Variants in LINC00632 observed in about 807,000 individuals in gnomAD.
LINC00632 encodes the protein long independently transcribed non-coding RNA 632.
At chrX:140,724,186 CTG>C (rs1794050778) in intron 2 of LINC00632, among the ~76,000 whole-genome samples, 3 of 21,263 alleles carry the variant, frequency 1.4e-4, no homozygotes, top group Admixed American at 5.4e-4. Context: ...CAGACACATT[CTG>C]TACACACAGA....
chrX:140,753,924 C>T (rs745622002), intron 3 of LINC00632, among the ~76,000 whole-genome samples: 6 of 109,411 alleles, frequency 5.5e-5, no homozygotes, highest in Admixed American at 9.8e-5. Flanking sequence ...TACAGGCGCA[C>T]GCCACCACGC....
At chrX:140,713,484 C>A (rs1332844400) in intron 2 of LINC00632, 2 of 332,404 alleles carry the variant, frequency 6.0e-6, no homozygotes, top group Non-Finnish European at 1.2e-5. Context: ...ACATAGTAAC[C>A]ATTATGTAAG....
intron 3 of LINC00632, among the ~76,000 whole-genome samples, chrX:140,748,316 A>G (rs1178139873): frequency 5.3e-5 from 6 of 112,354 alleles, no homozygotes; most frequent in Non-Finnish European, 1.1e-4. Context: ...GAGGTTACAA[A>G]TTAATATAAA....
intron 3 of LINC00632, among the ~76,000 whole-genome samples, chrX:140,762,289 A>G (rs769578768): frequency 3.7e-5 from 4 of 107,910 alleles, no homozygotes; most frequent in South Asian, 4.2e-4. Flanking sequence ...CACTTGGTAA[A>G]GTACTGATTG....
intron 3 of LINC00632, among the ~76,000 whole-genome samples, chrX:140,759,294 TTCCTTCCTTCCTTCCTTCCTTCC>T: frequency 3.5e-5 from 1 of 28,682 alleles, no homozygotes; most frequent in Admixed American, 4.5e-4. Flanking sequence ...CTTTCTTTCC[TTCCTTCCTTCCTTCCTTCCTTCC>T]TTCCTTCCTT....
chrX:140,759,293 C>T (rs187929347), intron 3 of LINC00632, among the ~76,000 whole-genome samples: 536 of 28,250 alleles, frequency 0.019, 5 homozygotes, highest in African/African-American at 0.054. Flanking sequence ...TCTTTCTTTC[C>T]TTCCTTCCTT....
chrX:140,786,148 T>A (rs1602760285), exon 5 of LINC00632, among the ~76,000 whole-genome samples: 1 of 112,159 alleles, frequency 8.9e-6, no homozygotes, highest in East Asian at 2.8e-4. Context: ...TAAAATCCTC[T>A]ATGTGATAAC....
intron 2 of LINC00632, chrX:140,713,474 A>G (rs1278886995): frequency 3.0e-6 from 1 of 329,893 alleles, no homozygotes; most frequent in Non-Finnish European, 6.1e-6. Flanking sequence ...AGTGTCTGGC[A>G]CATAGTAACC....
intron 3 of LINC00632, among the ~76,000 whole-genome samples, chrX:140,768,111 T>C (rs746650871): frequency 7.2e-5 from 8 of 111,472 alleles, no homozygotes; most frequent in Non-Finnish European, 1.1e-4. Flanking sequence ...CTTAGTTTAG[T>C]GTAAAAAACA....
chrX:140,749,188 A>G (rs773885815), intron 3 of LINC00632, among the ~76,000 whole-genome samples: 1 of 111,122 alleles, frequency 9.0e-6, no homozygotes, highest in Non-Finnish European at 1.9e-5. Flanking sequence ...TCATGAGTGT[A>G]AAAACAGGTG....
At chrX:140,789,076 T>C (rs1049911696) in exon 5 of LINC00632, among the ~76,000 whole-genome samples, 3 of 108,862 alleles carry the variant, frequency 2.8e-5, no homozygotes, top group Non-Finnish European at 5.7e-5. Context: ...CCATGACTCT[T>C]TGTTTTGTTA....
At chrX:140,762,983 A>G (rs773374887) in intron 3 of LINC00632, among the ~76,000 whole-genome samples, 11 of 112,154 alleles carry the variant, frequency 9.8e-5, no homozygotes, top group Non-Finnish European at 1.9e-4. Flanking sequence ...TATAACTCTC[A>G]TAACACATAT....
intron 2 of LINC00632, among the ~76,000 whole-genome samples, chrX:140,724,427 A>C (rs1354621334): frequency 1.1e-3 from 1 of 891 alleles, no homozygotes; most frequent in Non-Finnish European, 2.2e-3. Context: ...CACATTCCAC[A>C]CACATACACA....
exon 5 of LINC00632, among the ~76,000 whole-genome samples, chrX:140,776,564 G>C (rs1303275391): frequency 8.9e-6 from 1 of 112,841 alleles, no homozygotes; most frequent in Non-Finnish European, 1.9e-5. Flanking sequence ...CCACTCCGGG[G>C]GTGTCGCGCG....
intron 3 of LINC00632, among the ~76,000 whole-genome samples, chrX:140,768,662 AATCT>A (rs1169684941): frequency 1.1e-5 from 1 of 93,606 alleles, no homozygotes; most frequent in African/African-American, 4.1e-5. Context: ...ATATATAATA[AATCT>A]ATAATAAATA....
chrX:140,757,430 G>C (rs1421461447), intron 3 of LINC00632, among the ~76,000 whole-genome samples: 1 of 111,340 alleles, frequency 9.0e-6, no homozygotes, highest in East Asian at 2.8e-4. Flanking sequence ...GTGGTGAGGA[G>C]GGAGAAGATT....
chrX:140,766,755 G>A (rs1384821115), intron 3 of LINC00632, among the ~76,000 whole-genome samples: 1 of 112,100 alleles, frequency 8.9e-6, no homozygotes, highest in Non-Finnish European at 1.9e-5. Flanking sequence ...AACAAAGAAA[G>A]AATGTGTATG....
rs1931117553 is a variant in LINC00632 at position 140,734,849 on chromosome X, C to T, written n.191+885C>T. Reference sequence around the variant, plus strand: ...CAATTTCACCTCACTGTAACCGCCACCTTCCAGGTTCAAGCAATTCTCGTG... The same window carrying T: ...CAATTTCACCTCACTGTAACCGCCATCTTCCAGGTTCAAGCAATTCTCGTG... On this transcript the variant is annotated intron_variant and non_coding_transcript_variant, in intron 3 of 4. Transcript: ENST00000648200. Among the ~76,000 whole-genome samples the T allele has an allele frequency of 3.8e-5, 4 of 106,095 alleles. No homozygotes were observed. The South Asian group carries it at 1.7e-3, about 46-fold the overall frequency. The allele number at this position is 106,095 out of a possible 115,157, so 92.1% of individuals were successfully genotyped here. A position where few individuals can be genotyped will look rare whatever the true frequency, so the allele number is the denominator to read the frequency against.
At chrX:140,742,839 TAG>T (rs3084215) in intron 3 of LINC00632, among the ~76,000 whole-genome samples, 9,859 of 46,579 alleles carry the variant, frequency 0.21, 968 homozygotes, top group East Asian at 0.56. Context: ...TAGAAGGTGA[TAG>T]AGAGAGAGAG....
Sources: gnomAD v4.1 joint callset for allele counts (sites outside exome capture counted in the v4.1 genomes callset) on GRCh38, gnomAD v4.1.1 for gene constraint, MANE v1.5 for transcripts, NCBI Gene and HGNC (gene_info 2026-07-23, HGNC 2026-07-21) for gene names.